The following PDE4DIP variants were observed in gnomAD, a reference collection of about 807,000 sequenced individuals.
The protein encoded by PDE4DIP is phosphodiesterase 4D interacting protein.
Under a neutral mutation model 221.4 loss-of-function variants are expected in PDE4DIP, and 59 were observed. The ratio of observed to expected loss-of-function variants is 0.27; its 90% CI spans 0.22 to 0.33. The LOEUF is 0.33. PDE4DIP is among the 10% of genes least tolerant of loss of function. The probability of loss-of-function intolerance (pLI) is 1.00; values close to 1 mark genes in which losing one functional copy is unlikely to be tolerated. For missense variants in PDE4DIP, 1,036 were observed against 2,154.2 expected, an observed-to-expected ratio of 0.48 and a Z score of 10.28; for synonymous variants, 404 against 815.9, an observed-to-expected ratio of 0.50 and a Z score of 8.60.
intron 5 of PDE4DIP, among the ~76,000 whole-genome samples, chr1:148,944,996 AT>A (rs1412443400): frequency 6.7e-6 from 1 of 149,864 alleles, no homozygotes; most frequent in Non-Finnish European, 1.5e-5. Context: ...TCATTCATAC[AT>A]TCTATTCAAT....
rs879997583 is a variant in PDE4DIP, at chr1:149,029,979, C to G, written c.6952+54C>G. 1,069 of 691,510 alleles carry G rather than the reference C, an allele frequency of 1.5e-3. 25 individuals are homozygous for G. The South Asian group carries it at 0.018, about 12-fold the overall frequency. 42.8% of individuals were successfully genotyped at this position (691,510 alleles called of 1,614,324 possible). A position where few individuals can be genotyped will look rare whatever the true frequency, so the allele number is the denominator to read the frequency against. The stretch of plus-strand genomic sequence containing the variant: ...GAAACAGGCAGTCTTCCCGATGCCC[C>G]ACTTGTGCTGCAGATGAGCAGTGAC... On this transcript the variant is annotated intron_variant, in intron 42 of 43. Coordinates refer to ENST00000369354, the Ensembl canonical transcript of PDE4DIP.
At chr1:148,830,220 C>T (rs1251075531) in intron 1 of PDE4DIP, among the ~76,000 whole-genome samples, 1 of 15,664 alleles carries the variant, frequency 6.4e-5, no homozygotes, top group Non-Finnish European at 1.2e-4. Context: ...AAATTAAGTC[C>T]CTTACAAATT....
Position 148,996,698 on chromosome 1 carries a change from C to T in PDE4DIP, c.2905-1445C>T, listed in dbSNP as rs1698629. ...ACCTACATTTGAACATACTTTGTTA[C>T]GGGGAATAGCAAAAGTCAGTGGCTT... is the stretch of plus-strand genomic sequence containing the variant. On this transcript the variant is annotated intron_variant, in intron 22 of 43. Coordinates refer to ENST00000369354, the Ensembl canonical transcript of PDE4DIP. Among the ~76,000 whole-genome samples, 442 of 152,156 alleles carry T rather than the reference C, an allele frequency of 2.9e-3. 11 individuals are homozygous for T. The East Asian group carries it at 0.059, about 20-fold the overall frequency.
Position 148,964,400 on chromosome 1 carries a change from G to T in PDE4DIP, c.1195-1084G>T, listed in dbSNP as rs1389321136. 2.0e-5 allele frequency among the ~76,000 whole-genome samples: 3 copies of T among 151,960 alleles called. No homozygotes were observed. In the East Asian group the frequency reaches 5.8e-4, roughly 29 times the overall value. ...TGAGATTACAGGCGTGAGCCACCACGCTGGGCCAAAATACACAACTCTTAA... is the reference window on the plus strand; with the variant it reads ...TGAGATTACAGGCGTGAGCCACCACTCTGGGCCAAAATACACAACTCTTAA... On this transcript the variant is annotated intron_variant, in intron 9 of 43. Transcript: ENST00000369354.
intron 17 of PDE4DIP, among the ~76,000 whole-genome samples, chr1:148,975,040 G>GGGC (rs1258601098): frequency 7.6e-6 from 1 of 131,194 alleles, no homozygotes; most frequent in Non-Finnish European, 1.6e-5. Context: ...GTGTAGTGGC[G>GGGC]GGCGCCTGTA....
At chr1:148,929,507 C>T (rs1424305926) in intron 2 of PDE4DIP, 4 of 469,662 alleles carry the variant, frequency 8.5e-6, no homozygotes, top group East Asian at 8.0e-5. Context: ...AGACTGCAAA[C>T]TTCCTATCAG....
intron 5 of PDE4DIP, among the ~76,000 whole-genome samples, chr1:148,954,494 G>T (rs2054635424): frequency 6.6e-6 from 1 of 152,094 alleles, no homozygotes; most frequent in Non-Finnish European, 1.5e-5. Context: ...TTGAGGATTA[G>T]TGATGACTCA....
exon 8 of PDE4DIP, chr1:148,962,283 C>T (rs781951149): frequency 1.3e-6 from 2 of 1,531,716 alleles, no homozygotes; most frequent in Non-Finnish European, 1.8e-6. Context: ...GCTTGGACAA[C>T]TTCACGTATG....
intron 38 of PDE4DIP, 74 bp from the exon 42 acceptor site, chr1:149,026,641 A>G (rs375761479): frequency 2.3e-5 from 12 of 525,468 alleles, no homozygotes; most frequent in Middle Eastern, 5.0e-4. Flanking sequence ...CAGTGGGGAC[A>G]GCTAGGTGTG....
At position 149,028,720 on chromosome 1, in the gene PDE4DIP, C is replaced by A. The variant is rs1553632913; in HGVS notation, c.6813+17C>A. ...GGCAAAGTGGTAAGATGCCAGTGCCCTTTCTTGGTTCAAACCCAGTTCTCC... is the reference window on the plus strand; with the variant it reads ...GGCAAAGTGGTAAGATGCCAGTGCCATTTCTTGGTTCAAACCCAGTTCTCC... On this transcript the variant is annotated intron_variant, in intron 41 of 43. Transcript: ENST00000369354. 8.7e-6 allele frequency: 13 copies of A among 1,501,058 alleles called. 1 individual carries two copies. The highest frequency in any genetic ancestry group is 1.2e-5 in the Non-Finnish European group (13 of 1,089,412). The allele number at this position is 1,501,058 out of a possible 1,614,324, so 93.0% of individuals were successfully genotyped here.
chr1:148,996,757 T>C (rs1489287161), intron 22 of PDE4DIP, among the ~76,000 whole-genome samples: 1 of 152,188 alleles, frequency 6.6e-6, no homozygotes, highest in Non-Finnish European at 1.5e-5. Context: ...CAGTCGTTGA[T>C]CCATATAAGC....
chr1:148,820,953 G>C (rs1553360265), intron 1 of PDE4DIP, among the ~76,000 whole-genome samples: 2 of 149,858 alleles, frequency 1.3e-5, no homozygotes, highest in Admixed American at 1.3e-4. Context: ...TGGGGTTCAC[G>C]CCATTGTCTT....
Position 148,998,187 on chromosome 1 carries a change from C to A in PDE4DIP, c.2949C>A (p.Thr983=), listed in dbSNP as rs142092538. The change falls in exon 23 of 44, where the codon ACC becomes ACA. Residue 983 remains threonine (T), a synonymous_variant. Coordinates refer to ENST00000369354, the Ensembl canonical transcript of PDE4DIP. ...AGAAAAGTCTGGCAACTGTGGAGAC[C>A]CAGAACCCATCTTTTTCCCCTCCTT... 5.0e-5 allele frequency: 73 copies of A among 1,473,538 alleles called. No individual in the cohort carries two copies. The Admixed American group carries it at 1.2e-3, about 24-fold the overall frequency. The allele number at this position is 1,473,538 out of a possible 1,614,324, so 91.3% of individuals were successfully genotyped here.
At chr1:148,941,940 C>A (rs1345194944) in intron 5 of PDE4DIP, 2 of 152,176 alleles carry the variant, frequency 1.3e-5, no homozygotes, top group Non-Finnish European at 2.9e-5. Flanking sequence ...ATCTCCTCAT[C>A]TCCAGTGAAG....
intron 22 of PDE4DIP, 68 bp downstream of exon 25, chr1:148,992,041 C>A (rs1410756347): frequency 3.1e-6 from 2 of 644,820 alleles, no homozygotes; most frequent in East Asian, 5.4e-5. Context: ...GTCTGATAGT[C>A]TCCTGCAGCC....
At chr1:148,952,404 G>A (rs1294800867) in intron 5 of PDE4DIP, 1 of 1,083,528 alleles carries the variant, frequency 9.2e-7, no homozygotes. Context: ...TTGCGTCTGC[G>A]CGGCCGGCCG....
chr1:148,963,748 CTTTTTTTTTTTTT>C (rs66921099), intron 9 of PDE4DIP, among the ~76,000 whole-genome samples: 1 of 89,098 alleles, frequency 1.1e-5, no homozygotes, highest in African/African-American at 4.7e-5. Flanking sequence ...TTCTTTCCTT[CTTTTTTTTTTTTT>C]TTTTTTTTTT....
At chr1:148,968,922 A>G in exon 14 of PDE4DIP, 1 of 1,613,684 alleles carries the variant, frequency 6.2e-7, no homozygotes, top group Non-Finnish European at 8.5e-7. Context: ...AGCGAAAGGA[A>G]AGGATGCTGC....
At chr1:148,981,330 G>C (rs1553542710) in exon 21 of PDE4DIP, 2 of 1,614,078 alleles carry the variant, frequency 1.2e-6, no homozygotes, top group Non-Finnish European at 1.7e-6. Flanking sequence ...TACGCAGTCG[G>C]CTAGAAGAAG....
Sources: allele counts gnomAD v4.1 joint callset (sites outside exome capture counted in the v4.1 genomes callset), GRCh38; gene constraint gnomAD v4.1.1; transcripts MANE v1.5; gene names NCBI Gene and HGNC (gene_info 2026-07-23, HGNC 2026-07-21).